Variants in KDM4C observed in about 807,000 individuals in gnomAD.
KDM4C encodes lysine-specific demethylase 4C.
A neutral mutation model predicts 129.3 loss-of-function variants in KDM4C; 81 were observed. The observed-to-expected ratio is 0.63, with a 90% CI of 0.52 to 0.75. The LOEUF is 0.75. Among genes scored for constraint, KDM4C ranks in the 30% least tolerant of loss-of-function variants. The probability of loss-of-function intolerance (pLI) is 0.00; values close to 1 mark genes in which losing one functional copy is unlikely to be tolerated. For missense variants in KDM4C, 1,457 were observed against 1,304.0 expected (o/e 1.12, Z -1.81); for synonymous variants, 573 against 456.1 (o/e 1.26, Z -3.26).
At chr9:6,842,973 G>C (rs541615200) in intron 4 of KDM4C, among the ~76,000 whole-genome samples, 5 of 152,114 alleles carry the variant, frequency 3.3e-5, no homozygotes, top group Middle Eastern at 6.8e-3. Flanking sequence ...TCTGTTGCCC[G>C]GGCTGGAGTA....
chr9:7,093,013 T>C (rs1835980509), intron 17 of KDM4C, among the ~76,000 whole-genome samples: 1 of 152,184 alleles, frequency 6.6e-6, no homozygotes, highest in African/African-American at 2.4e-5. Flanking sequence ...TTTTAGAAGT[T>C]AACGTTCTCA....
intron 1 of KDM4C, among the ~76,000 whole-genome samples, chr9:6,721,823 C>T (rs1322622080): frequency 6.7e-6 from 1 of 150,176 alleles, no homozygotes; most frequent in East Asian, 2.0e-4. Context: ...CTCCTGACCT[C>T]ATTATCTGCC....
chr9:7,045,062 C>T, intron 15 of KDM4C, among the ~76,000 whole-genome samples: 1 of 151,974 alleles, frequency 6.6e-6, no homozygotes, highest in Non-Finnish European at 1.5e-5. Context: ...TGAATATCTT[C>T]TTGTGATGGT....
At chr9:6,825,818 CTG>C (rs766560390) in intron 4 of KDM4C, among the ~76,000 whole-genome samples, 170 of 152,004 alleles carry the variant, frequency 1.1e-3, no homozygotes, top group Admixed American at 1.6e-3. Flanking sequence ...ATTTATTTCT[CTG>C]TCTCTCTTAA....
intron 8 of KDM4C, among the ~76,000 whole-genome samples, chr9:6,912,388 C>T (rs1819484371): frequency 6.6e-6 from 1 of 152,200 alleles, no homozygotes; most frequent in African/African-American, 2.4e-5. Flanking sequence ...AAGATGTACA[C>T]ACCATGCTGG....
intron 1 of KDM4C, among the ~76,000 whole-genome samples, chr9:6,759,114 T>G (rs1326825783): frequency 6.6e-6 from 1 of 152,216 alleles, no homozygotes; most frequent in African/African-American, 2.4e-5. Flanking sequence ...TTTTTGCGCT[T>G]GATAAACTAA....
intron 12 of KDM4C, among the ~76,000 whole-genome samples, chr9:7,005,489 C>G (rs934586340): frequency 6.6e-6 from 1 of 151,858 alleles, no homozygotes; most frequent in Non-Finnish European, 1.5e-5. Context: ...GATAAACGCC[C>G]CACATTCCTT....
chr9:6,725,498 AT>A (rs1563910483), intron 1 of KDM4C, among the ~76,000 whole-genome samples: 1 of 150,996 alleles, frequency 6.6e-6, no homozygotes. Context: ...TTTTATTTTT[AT>A]TTTTTGAGAT....
intron 4 of KDM4C, among the ~76,000 whole-genome samples, chr9:6,835,786 C>G (rs1460452459): frequency 6.6e-6 from 1 of 152,072 alleles, no homozygotes; most frequent in Admixed American, 6.6e-5. Context: ...TGCAGTGTGG[C>G]TGAGGACTCT....
chr9:7,150,150 A>G (rs73639828), intron 19 of KDM4C, among the ~76,000 whole-genome samples: 193 of 152,316 alleles, frequency 1.3e-3, no homozygotes, highest in African/African-American at 4.5e-3. Context: ...TCAGGTTGAC[A>G]ATGCCGGAGC....
At chr9:7,032,976 C>T (rs571308565) in intron 15 of KDM4C, among the ~76,000 whole-genome samples, 14 of 152,178 alleles carry the variant, frequency 9.2e-5, no homozygotes, top group South Asian at 4.2e-4. Context: ...AACTGGATAA[C>T]GTCTTGAATT....
intron 8 of KDM4C, among the ~76,000 whole-genome samples, chr9:6,938,694 T>C (rs1478566254): frequency 6.6e-6 from 1 of 152,162 alleles, no homozygotes; most frequent in Non-Finnish European, 1.5e-5. Context: ...GTGTGTGGCT[T>C]AGTGGTTTGT....
chr9:6,813,714 T>A (rs1831575320), intron 3 of KDM4C, among the ~76,000 whole-genome samples: 1 of 152,226 alleles, frequency 6.6e-6, no homozygotes, highest in Non-Finnish European at 1.5e-5. Context: ...GAGAAGTAAG[T>A]GCTTTTCTGT....
At chr9:7,146,734 C>A (rs1842248315) in intron 19 of KDM4C, among the ~76,000 whole-genome samples, 1 of 152,194 alleles carries the variant, frequency 6.6e-6, no homozygotes. Context: ...TACTTATTAG[C>A]CCTGTGGCCT....
chr9:6,821,706 C>T (rs140227534), intron 4 of KDM4C, among the ~76,000 whole-genome samples: 53 of 151,576 alleles, frequency 3.5e-4, no homozygotes, highest in Middle Eastern at 3.4e-3. Context: ...AGTGCAGTGG[C>T]GCGGTCTCAA....
At chr9:7,014,959 A>C (rs1013166031) in intron 14 of KDM4C, among the ~76,000 whole-genome samples, 21 of 143,506 alleles carry the variant, frequency 1.5e-4, no homozygotes, top group South Asian at 4.6e-4. Context: ...CACACCTTAC[A>C]TTATTATGTG....
chr9:6,885,395 A>C (rs773989599), intron 6 of KDM4C, among the ~76,000 whole-genome samples: 12 of 152,070 alleles, frequency 7.9e-5, no homozygotes, highest in Non-Finnish European at 1.5e-4. Context: ...AGCTTATGAG[A>C]TCCTACACAC....
At chr9:6,850,085 T>C (rs1002821517) in intron 5 of KDM4C, among the ~76,000 whole-genome samples, 4 of 152,228 alleles carry the variant, frequency 2.6e-5, no homozygotes, top group African/African-American at 9.6e-5. Flanking sequence ...TACAGGTTTG[T>C]AGCCTAGAAG....
intron 8 of KDM4C, among the ~76,000 whole-genome samples, chr9:6,905,600 G>A (rs1257071474): frequency 6.6e-6 from 1 of 152,192 alleles, no homozygotes; most frequent in Non-Finnish European, 1.5e-5. Flanking sequence ...TTTTGAGAAA[G>A]CATGACCAAG....
Sources: allele counts gnomAD v4.1 joint callset (sites outside exome capture counted in the v4.1 genomes callset), GRCh38; gene constraint gnomAD v4.1.1; transcripts MANE v1.5; gene names NCBI Gene and HGNC (gene_info 2026-07-23, HGNC 2026-07-21).